MEIKIN: variants seen among roughly 807,000 people sequenced by gnomAD.
The protein encoded by MEIKIN is meiotic kinetochore factor.
At chr5:131,928,969 A>G (rs1450776133) in intron 5 of MEIKIN, among the ~76,000 whole-genome samples, 2 of 152,166 alleles carry the variant, frequency 1.3e-5, no homozygotes, top group Non-Finnish European at 2.9e-5. Flanking sequence ...AATTCCTTTC[A>G]GCATTACTTG....
At position 131,935,793 on chromosome 5, in the gene MEIKIN, G is replaced by A. The variant is rs560232718; in HGVS notation, c.350-2152C>T. The stretch of plus-strand genomic sequence containing the variant: ...CTATGCCAACTCCCTTGTTAAAAAT[G>A]AGAATTGTTTTCTACCTGGCCATCT... On this transcript the variant is annotated intron_variant, in intron 4 of 12. Transcript: ENST00000442687. Among the ~76,000 whole-genome samples, 66 of 152,220 alleles carry A rather than the reference G, an allele frequency of 4.3e-4. No homozygotes were observed. The South Asian group carries it at 0.011, about 26-fold the overall frequency.
At position 131,811,096 on chromosome 5, in the gene MEIKIN, G is replaced by A. The variant is rs539200134; in HGVS notation, c.1100-3838C>T. ...ACGGTGAGAGCCTAGAAAGAGGCCA[G>A]GAGATGGCACCGTTAGTTCATTAGT... is the stretch of plus-strand genomic sequence containing the variant. On this transcript the variant is annotated intron_variant, in intron 12 of 12. Transcript: ENST00000442687. 3.3e-5 allele frequency among the ~76,000 whole-genome samples: 5 copies of A among 152,252 alleles called. No homozygotes were observed. In the East Asian group the frequency reaches 9.7e-4, roughly 29 times the overall value.
chr5:131,837,511 T>A (rs962204128), intron 11 of MEIKIN, among the ~76,000 whole-genome samples: 2 of 152,158 alleles, frequency 1.3e-5, no homozygotes, highest in African/African-American at 4.8e-5. Context: ...TTTCCATTTG[T>A]TTGTGTCATC....
At chr5:131,839,639 T>C (rs1321820512) in intron 11 of MEIKIN, among the ~76,000 whole-genome samples, 1 of 152,184 alleles carries the variant, frequency 6.6e-6, no homozygotes, top group Non-Finnish European at 1.5e-5. Flanking sequence ...TGTTGGTTTA[T>C]TATCTGTTTT....
At chr5:131,857,421 G>C (rs921067658) in intron 9 of MEIKIN, among the ~76,000 whole-genome samples, 2 of 152,188 alleles carry the variant, frequency 1.3e-5, no homozygotes, top group African/African-American at 4.8e-5. Context: ...CTTCTAGGTG[G>C]CTTTAGCTTT....
At chr5:131,926,969 T>C (rs1031142282) in intron 5 of MEIKIN, among the ~76,000 whole-genome samples, 1 of 152,160 alleles carries the variant, frequency 6.6e-6, no homozygotes, top group African/African-American at 2.4e-5. Context: ...TTCACTGATT[T>C]CTTTCTATTT....
At chr5:131,936,968 CTGTCT>C (rs1284016354) in intron 4 of MEIKIN, among the ~76,000 whole-genome samples, 4 of 151,626 alleles carry the variant, frequency 2.6e-5, no homozygotes, top group Non-Finnish European at 5.9e-5. Flanking sequence ...CCCTCTTCTT[CTGTCT>C]TTTCTTCTTT....
rs1008140015 is a variant in MEIKIN, at chr5:131,807,045, T to A, written c.*191A>T. On this transcript the variant is annotated 3_prime_UTR_variant, in exon 13 of 13. Coordinates refer to ENST00000442687, the MANE Select transcript of MEIKIN (RefSeq NM_001303622.2). The stretch of plus-strand genomic sequence containing the variant: ...TATATTTAAGAAGCATATGGAATAA[T>A]TTTTTTTCTTAACTGATTAAAAGTA... 3 of 375,402 alleles carry A rather than the reference T, an allele frequency of 8.0e-6. No homozygotes were observed. Among genetic ancestry groups the A allele is most frequent in the Non-Finnish European group, 1.4e-5 (3 of 212,328 alleles). 23.3% of individuals were successfully genotyped at this position (375,402 alleles called of 1,614,324 possible). A position where few individuals can be genotyped will look rare whatever the true frequency, so the allele number is the denominator to read the frequency against.
At chr5:131,814,559 G>A (rs981320316) in intron 12 of MEIKIN, among the ~76,000 whole-genome samples, 9 of 151,930 alleles carry the variant, frequency 5.9e-5, no homozygotes, top group Admixed American at 4.6e-4. Flanking sequence ...TTACAGGCAT[G>A]AGCCATCACA....
chr5:131,836,899 T>A (rs1211375643), intron 11 of MEIKIN, among the ~76,000 whole-genome samples: 1 of 152,208 alleles, frequency 6.6e-6, no homozygotes, highest in South Asian at 2.1e-4. Context: ...TTTAGTTTCA[T>A]TAGATCCCAT....
At chr5:131,878,780 C>G (rs548411302) in intron 9 of MEIKIN, 198 bp downstream of exon 9, 1 of 353,050 alleles carries the variant, frequency 2.8e-6, no homozygotes. Flanking sequence ...GGGGTTGAAA[C>G]AGGAGAACAG....
intron 11 of MEIKIN, among the ~76,000 whole-genome samples, chr5:131,829,089 C>G (rs1171011369): frequency 6.6e-6 from 1 of 152,082 alleles, no homozygotes; most frequent in African/African-American, 2.4e-5. Flanking sequence ...GAGAAGATCC[C>G]TCTAGCTTCC....
chr5:131,908,212 A>G (rs1406478131), intron 8 of MEIKIN, among the ~76,000 whole-genome samples: 2 of 152,222 alleles, frequency 1.3e-5, no homozygotes, highest in African/African-American at 2.4e-5. Flanking sequence ...ATTCAACAAC[A>G]TATTAAACAG....
chr5:131,919,579 A>G (rs1477013518), intron 6 of MEIKIN, among the ~76,000 whole-genome samples: 2 of 152,274 alleles, frequency 1.3e-5, no homozygotes, highest in South Asian at 2.1e-4. Flanking sequence ...ATGTAAACCA[A>G]TGTGGAGTGA....
chr5:131,851,968 T>A (rs1750121830), intron 10 of MEIKIN, among the ~76,000 whole-genome samples: 1 of 152,200 alleles, frequency 6.6e-6, no homozygotes, highest in African/African-American at 2.4e-5. Flanking sequence ...TTAAGACAAC[T>A]GAAAACATGT....
At chr5:131,854,142 A>G (rs1033861333) in intron 10 of MEIKIN, among the ~76,000 whole-genome samples, 2 of 152,356 alleles carry the variant, frequency 1.3e-5, no homozygotes, top group African/African-American at 4.8e-5. Flanking sequence ...TATACATACA[A>G]TGGAGTATCA....
intron 11 of MEIKIN, among the ~76,000 whole-genome samples, chr5:131,827,298 T>A (rs1258648068): frequency 6.6e-6 from 1 of 152,096 alleles, no homozygotes; most frequent in African/African-American, 2.4e-5. Flanking sequence ...ATTGTTTTTT[T>A]CAATGAATCA....
chr5:131,912,858 G>C (rs919628865), intron 7 of MEIKIN, among the ~76,000 whole-genome samples: 2 of 152,086 alleles, frequency 1.3e-5, no homozygotes, highest in Non-Finnish European at 2.9e-5. Context: ...GCATGATTTA[G>C]ACTCAGAATA....
Position 131,863,791 on chromosome 5 carries a change from T to A in MEIKIN, c.775-8957A>T, listed in dbSNP as rs572125398. Among the ~76,000 whole-genome samples, 12 of 152,184 alleles carry A rather than the reference T, an allele frequency of 7.9e-5. No individual in the cohort carries two copies. The South Asian group carries it at 2.1e-3, about 26-fold the overall frequency. ...GAATCATGGGGGCAGGTCTTCCCCATGCCGTTCTTGTGATAGTGAATACGT... is the reference window on the plus strand; with the variant it reads ...GAATCATGGGGGCAGGTCTTCCCCAAGCCGTTCTTGTGATAGTGAATACGT... On this transcript the variant is annotated intron_variant, in intron 9 of 12. Coordinates refer to ENST00000442687, the MANE Select transcript of MEIKIN (RefSeq NM_001303622.2).
Sources: allele counts gnomAD v4.1 joint callset (sites outside exome capture counted in the v4.1 genomes callset), GRCh38; gene constraint gnomAD v4.1.1; transcripts MANE v1.5; gene names NCBI Gene and HGNC (gene_info 2026-07-23, HGNC 2026-07-21).